Variants in NBEA observed in about 807,000 individuals in gnomAD.
The protein encoded by NBEA is neurobeachin.
Under a neutral mutation model 343.4 loss-of-function variants are expected in NBEA, and 44 were observed. That is an observed-to-expected ratio of 0.13 (90% CI 0.10 to 0.16). The LOEUF (loss-of-function observed/expected upper bound fraction) is 0.16, where lower values mean the gene tolerates loss of function less well. Ranked by LOEUF, NBEA falls within the 10% of genes least tolerant of loss-of-function variation. The pLI is 1.00. For missense variants in NBEA, 2,555 were observed against 3,631.3 expected (o/e 0.70, Z 7.62); for synonymous variants, 1,175 against 1,238.7 (o/e 0.95, Z 1.08).
At chr13:35,028,105 T>G (rs2062077114) in intron 1 of NBEA, among the ~76,000 whole-genome samples, 1 of 151,906 alleles carries the variant, frequency 6.6e-6, no homozygotes, top group Non-Finnish European at 1.5e-5. Context: ...AGAGAGTGAT[T>G]CCTCCCACTT....
intron 27 of NBEA, among the ~76,000 whole-genome samples, chr13:35,174,554 C>A (rs2070728499): frequency 6.6e-6 from 1 of 152,030 alleles, no homozygotes; most frequent in Admixed American, 6.6e-5. Context: ...ACATATTTAT[C>A]CTATTCGTTG....
At chr13:35,456,293 G>A (rs1267202621) in intron 40 of NBEA, among the ~76,000 whole-genome samples, 2 of 151,894 alleles carry the variant, frequency 1.3e-5, no homozygotes, top group African/African-American at 2.4e-5. Flanking sequence ...TTCGTCTCAA[G>A]AGGCAAGTTA....
chr13:35,607,372 G>T (rs1402983112), intron 48 of NBEA, among the ~76,000 whole-genome samples: 2 of 152,110 alleles, frequency 1.3e-5, no homozygotes, highest in Non-Finnish European at 2.9e-5. Flanking sequence ...GTTTAAATGA[G>T]AAATGTATAA....
At chr13:35,246,335 AT>A (rs1269640941) in intron 34 of NBEA, among the ~76,000 whole-genome samples, 6 of 152,140 alleles carry the variant, frequency 3.9e-5, no homozygotes, top group Admixed American at 3.9e-4. Context: ...AGCTACTGTG[AT>A]TTTTTGGGGG....
intron 45 of NBEA, among the ~76,000 whole-genome samples, chr13:35,578,773 G>A (rs1292735467): frequency 6.6e-6 from 1 of 152,014 alleles, no homozygotes; most frequent in Admixed American, 6.6e-5. Flanking sequence ...TATCCATAAT[G>A]CTTGGGACCA....
intron 35 of NBEA, among the ~76,000 whole-genome samples, chr13:35,300,102 T>G (rs1429858969): frequency 1.3e-5 from 2 of 152,176 alleles, no homozygotes; most frequent in African/African-American, 4.8e-5. Context: ...CTTTCAATAT[T>G]TTATCCAATT....
chr13:35,212,163 CCAGT>C (rs796661300), intron 33 of NBEA, among the ~76,000 whole-genome samples: 38 of 152,218 alleles, frequency 2.5e-4, no homozygotes, highest in African/African-American at 8.7e-4. Flanking sequence ...CACTTTTTTC[CCAGT>C]CACTGTTCTT....
intron 40 of NBEA, among the ~76,000 whole-genome samples, chr13:35,460,500 T>C (rs1242713072): frequency 6.6e-6 from 1 of 152,226 alleles, no homozygotes; most frequent in Non-Finnish European, 1.5e-5. Context: ...TAAGGTGTTA[T>C]AAAAATAAAT....
Position 35,389,341 on chromosome 13 carries a change from C to T in NBEA, c.6179+37018C>T, listed in dbSNP as rs1841658. 2.6e-3 allele frequency among the ~76,000 whole-genome samples: 391 copies of T among 152,198 alleles called. 2 individuals carry two copies. The highest frequency in any genetic ancestry group is 9.1e-3 in the African/African-American group (377 of 41,538). ...CTTAAACCCATAAGCATTGTGAATA[C>T]TCATCATTATGCAGTTTTCTAAAAT... On this transcript the variant is annotated intron_variant, in intron 38 of 58. Coordinates refer to ENST00000379939, the MANE Select transcript of NBEA (RefSeq NM_001385012.1).
chr13:35,166,866 A>G (rs1188173681), intron 24 of NBEA, among the ~76,000 whole-genome samples: 1 of 152,070 alleles, frequency 6.6e-6, no homozygotes, highest in Non-Finnish European at 1.5e-5. Context: ...TTTAAAGTGT[A>G]AAAAGCCAAA....
intron 10 of NBEA, among the ~76,000 whole-genome samples, chr13:35,073,061 TAC>T (rs888824666): frequency 1.1e-4 from 17 of 152,274 alleles, no homozygotes; most frequent in African/African-American, 3.6e-4. Context: ...GGATCAGTAA[TAC>T]AGTCTTTTGT....
At position 35,670,915 on chromosome 13, in the gene NBEA, G is replaced by A. The variant is rs868091957; in HGVS notation, c.8828G>A (p.Gly2943Asp). The change falls in exon 59 of 59, where the codon GGC becomes GAC. Residue 2943 changes from glycine to aspartate, a missense_variant. Transcript: ENST00000379939. Reference sequence around the variant, plus strand: ...TGCTTTTCCAGGACTCTGATCACTGGCATGGCTTCTGGTAGCATTGTAGCT... The same window carrying A: ...TGCTTTTCCAGGACTCTGATCACTGACATGGCTTCTGGTAGCATTGTAGCT... ...LSHDQRTLIT[G>D]MASGSIVAFN... 6.3e-7 allele frequency: 1 copy of A among 1,595,164 alleles called. No homozygotes were observed.
At position 35,550,525 on chromosome 13, in the gene NBEA, A is replaced by G. The variant is rs2079266522; in HGVS notation, c.6634A>G (p.Ile2212Val). 1.2e-6 allele frequency: 2 copies of G among 1,613,314 alleles called. No individual in the cohort carries two copies. The highest frequency in any genetic ancestry group is 1.1e-5 in the South Asian group (1 of 91,052). Residue 2212 changes from isoleucine to valine, a missense_variant, in exon 42 of 59, where the codon ATA becomes GTA. Ile to Val is a conservative substitution (Grantham distance 29, BLOSUM62 3). Transcript: ENST00000379939. Reference protein sequence around the residue: ...GLHGKWMFSEIRAVFSRRYLL... With the variant: ...GLHGKWMFSEVRAVFSRRYLL... ...TCACGGAAAATGGATGTTCAGCGAGATACGAGCTGTATTTTCAAGACGTTA... is the reference window on the plus strand; with the variant it reads ...TCACGGAAAATGGATGTTCAGCGAGGTACGAGCTGTATTTTCAAGACGTTA...
intron 49 of NBEA, among the ~76,000 whole-genome samples, chr13:35,631,583 A>C (rs35498187): frequency 6.6e-6 from 1 of 151,132 alleles, no homozygotes; most frequent in African/African-American, 2.4e-5. Flanking sequence ...TAAATTAAAC[A>C]CTAATTTAAA....
chr13:35,330,202 A>T (rs2038841620), intron 36 of NBEA, among the ~76,000 whole-genome samples: 1 of 152,070 alleles, frequency 6.6e-6, no homozygotes, highest in Admixed American at 6.6e-5. Context: ...ATTGTGCTTA[A>T]CTAATAAGAT....
At chr13:35,084,353 G>C (rs2064607425) in intron 10 of NBEA, among the ~76,000 whole-genome samples, 1 of 150,578 alleles carries the variant, frequency 6.6e-6, no homozygotes, top group Non-Finnish European at 1.5e-5. Context: ...AAATGTAAAA[G>C]AACAGAAATT....
At chr13:35,025,456 T>G (rs891999761) in intron 1 of NBEA, among the ~76,000 whole-genome samples, 6 of 152,128 alleles carry the variant, frequency 3.9e-5, no homozygotes, top group Admixed American at 1.3e-4. Flanking sequence ...ATGTTGACTT[T>G]GTTGAAGATC....
chr13:35,354,367 G>A (rs1162032534), intron 38 of NBEA, among the ~76,000 whole-genome samples: 4 of 152,064 alleles, frequency 2.6e-5, no homozygotes, highest in African/African-American at 4.8e-5. Flanking sequence ...TATTGCCTTA[G>A]CTGTATAAAG....
At chr13:35,254,686 AT>A (rs1268926447) in intron 34 of NBEA, among the ~76,000 whole-genome samples, 5 of 151,810 alleles carry the variant, frequency 3.3e-5, no homozygotes, top group South Asian at 2.1e-4. Flanking sequence ...TATTTTAAAA[AT>A]TTTTTTTCAA....
Sources: allele counts gnomAD v4.1 joint callset (sites outside exome capture counted in the v4.1 genomes callset), GRCh38; gene constraint gnomAD v4.1.1; transcripts MANE v1.5; gene names NCBI Gene and HGNC (gene_info 2026-07-23, HGNC 2026-07-21).